Variants in ANKRD66 observed in about 807,000 individuals in gnomAD.
ANKRD66 encodes the protein ankyrin repeat domain 66, also known as ankyrin repeat domain-containing protein 66.
In ANKRD66, 10 loss-of-function variants were observed where a neutral mutation model predicts 10.9. The ratio of observed to expected loss-of-function variants is 0.91; its 90% CI spans 0.56 to 1.55. The LOEUF (loss-of-function observed/expected upper bound fraction) is 1.55. Among genes scored for constraint, ANKRD66 ranks in the 40% most tolerant of loss-of-function variants. ANKRD66 has a pLI of 0.00. For missense variants in ANKRD66, 252 were observed against 242.9 expected (o/e 1.04, Z -0.25); for synonymous variants, 85 against 88.4 (o/e 0.96, Z 0.22).
chr6:46,748,714 T>G (rs1230334804), intron 1 of ANKRD66, among the ~76,000 whole-genome samples: 1 of 152,204 alleles, frequency 6.6e-6, no homozygotes, highest in African/African-American at 2.4e-5. Flanking sequence ...CAGGCATCTG[T>G]ATTTTTGAAA....
intron 3 of ANKRD66, among the ~76,000 whole-genome samples, chr6:46,753,399 G>T (rs552814738): frequency 6.6e-6 from 1 of 152,192 alleles, no homozygotes; most frequent in Non-Finnish European, 1.5e-5. Context: ...CCAATAGGCA[G>T]GTATAGTGTG....
chr6:46,748,587 A>T (rs1766193603), intron 1 of ANKRD66, among the ~76,000 whole-genome samples: 1 of 152,242 alleles, frequency 6.6e-6, no homozygotes, highest in Non-Finnish European at 1.5e-5. Flanking sequence ...AGTAAAATGC[A>T]GTCTGTGCCA....
chr6:46,755,105 G>C (rs573615783), intron 4 of ANKRD66, among the ~76,000 whole-genome samples: 2 of 152,188 alleles, frequency 1.3e-5, no homozygotes, highest in African/African-American at 4.8e-5. Flanking sequence ...TCACCTTCCT[G>C]AAGGTCTCAC....
chr6:46,753,819 A>C lies in ANKRD66; in HGVS notation c.261A>C (p.Ala87=). The change falls in exon 4 of 5, where the codon GCA becomes GCC. Residue 87 remains alanine, a synonymous_variant. Coordinates refer to ENST00000565422, the MANE Select transcript of ANKRD66 (RefSeq NM_001162435.3). ...GWTPAHFAAE[A]GHLNILKTLH... Reference sequence around the variant, plus strand: ...CCCCAGCTCATTTTGCAGCAGAAGCAGGCCATCTGAATATACTCAAAACTC... The same window carrying C: ...CCCCAGCTCATTTTGCAGCAGAAGCCGGCCATCTGAATATACTCAAAACTC... 1.3e-6 allele frequency: 2 copies of C among 1,551,744 alleles called. No individual in the cohort carries two copies. Among genetic ancestry groups the C allele is most frequent in the Non-Finnish European group, 1.7e-6 (2 of 1,147,000 alleles).
At chr6:46,752,219 G>T (rs967238278) in intron 3 of ANKRD66, 108 bp downstream of exon 3, 3 of 1,213,380 alleles carry the variant, frequency 2.5e-6, no homozygotes, top group Non-Finnish European at 2.1e-6. Flanking sequence ...TTTAGAGCCA[G>T]TTGGAAACTT....
intron 2 of ANKRD66, among the ~76,000 whole-genome samples, chr6:46,750,623 TATAC>T (rs1166395881): frequency 4.7e-5 from 7 of 148,990 alleles, no homozygotes; most frequent in African/African-American, 1.7e-4. Flanking sequence ...TACATACACA[TATAC>T]ATACACACAT....
chr6:46,749,927 G>A lies in ANKRD66; in HGVS notation c.-65G>A, dbSNP rs1766231881. The A allele has an allele frequency of 6.5e-7, 1 of 1,550,354 alleles. No homozygotes were observed. Among genetic ancestry groups the A allele is most frequent in the Non-Finnish European group, 8.7e-7 (1 of 1,145,972 alleles). ...TCTCACATTTCAATGCACTCACCTG[G>A]AGGGCTTACCACAACAAAGATGGCC... On this transcript the variant is annotated 5_prime_UTR_variant, in exon 2 of 5. Transcript: ENST00000565422.
intron 4 of ANKRD66, chr6:46,756,163 A>T: frequency 2.5e-6 from 1 of 395,902 alleles, no homozygotes; most frequent in Non-Finnish European, 4.9e-6. Flanking sequence ...GATCATGGTA[A>T]ACATTAGGTC....
intron 1 of ANKRD66, among the ~76,000 whole-genome samples, chr6:46,749,089 C>T (rs1489238253): frequency 6.6e-6 from 1 of 152,234 alleles, no homozygotes; most frequent in Non-Finnish European, 1.5e-5. Context: ...CAGTGAGACT[C>T]CCAGAGCAAG....
chr6:46,753,664 A>C, intron 3 of ANKRD66, 58 bp from the exon 4 acceptor site: 1 of 1,467,410 alleles, frequency 6.8e-7, no homozygotes, highest in East Asian at 2.5e-5. Context: ...CCCTGGCCTC[A>C]AGCCACTTGG....
chr6:46,759,068 T>A lies in ANKRD66; in HGVS notation c.*147T>A. 1 of 684,844 alleles carries A rather than the reference T, an allele frequency of 1.5e-6. No homozygotes were observed. Among genetic ancestry groups the A allele is most frequent in the Non-Finnish European group, 2.3e-6 (1 of 431,418 alleles). The allele number at this position is 684,844 out of a possible 1,614,324, so 42.4% of individuals were successfully genotyped here. A position where few individuals can be genotyped will look rare whatever the true frequency, so the allele number is the denominator to read the frequency against. On this transcript the variant is annotated 3_prime_UTR_variant, in exon 5 of 5. Transcript: ENST00000565422. ...GACCTGTCATTAGGTGCTGTCCACA[T>A]GGGCTGTTGTTTCCTGGCTAGCACC...
chr6:46,747,916 A>T (rs936158865), intron 1 of ANKRD66, among the ~76,000 whole-genome samples: 1 of 152,206 alleles, frequency 6.6e-6, no homozygotes, highest in Non-Finnish European at 1.5e-5. Flanking sequence ...GCAACGGAGT[A>T]GATCTGAGAG....
At chr6:46,751,795 C>T in intron 2 of ANKRD66, 142 bp from the exon 3 acceptor site, 1 of 784,778 alleles carries the variant, frequency 1.3e-6, no homozygotes, top group Non-Finnish European at 1.8e-6. Context: ...TCTAAGGACA[C>T]ACTCATGCCA....
At chr6:46,748,821 A>T (rs1766199418) in intron 1 of ANKRD66, among the ~76,000 whole-genome samples, 2 of 152,080 alleles carry the variant, frequency 1.3e-5, no homozygotes, top group African/African-American at 4.8e-5. Flanking sequence ...GCCAGTCTAT[A>T]CCTTACTTTT....
intron 3 of ANKRD66, among the ~76,000 whole-genome samples, chr6:46,752,634 G>A (rs1014129311): frequency 6.6e-6 from 1 of 152,160 alleles, no homozygotes; most frequent in African/African-American, 2.4e-5. Context: ...CCTAAATAAC[G>A]TGTGCAGGAA....
chr6:46,757,698 T>TC (rs1766408988), intron 4 of ANKRD66: 1 of 152,182 alleles, frequency 6.6e-6, no homozygotes, highest in African/African-American at 2.4e-5. Context: ...TTTCTGAATA[T>TC]CCTAGGGAAT....
chr6:46,753,954 A>G lies in ANKRD66; in HGVS notation c.392+4A>G, dbSNP rs948845867. On this transcript the variant is annotated splice_donor_region_variant and intron_variant, in intron 4 of 4. Coordinates refer to ENST00000565422, the MANE Select transcript of ANKRD66 (RefSeq NM_001162435.3). ...CCTGTGTGGCATTTCTGGAAAAGTA[A>G]GTTTATTTTTTTTCCACCTATAGAA... 1.3e-6 allele frequency: 2 copies of G among 1,550,344 alleles called. No individual in the cohort carries two copies. Among genetic ancestry groups the G allele is most frequent in the East Asian group, 4.9e-5 (2 of 40,878 alleles).
chr6:46,752,610 G>T (rs896552466), intron 3 of ANKRD66, among the ~76,000 whole-genome samples: 6 of 152,088 alleles, frequency 3.9e-5, no homozygotes, highest in Non-Finnish European at 7.3e-5. Flanking sequence ...GATATCTCTG[G>T]GCCTGTTTAT....
At chr6:46,755,189 A>G (rs1766359392) in intron 4 of ANKRD66, among the ~76,000 whole-genome samples, 1 of 152,178 alleles carries the variant, frequency 6.6e-6, no homozygotes, top group Admixed American at 6.5e-5. Flanking sequence ...CCTGCTATTA[A>G]TTCTCAACCC....
Sources: allele counts gnomAD v4.1 joint callset (sites outside exome capture counted in the v4.1 genomes callset), GRCh38; gene constraint gnomAD v4.1.1; transcripts MANE v1.5; gene names NCBI Gene and HGNC (gene_info 2026-07-23, HGNC 2026-07-21).